Variants in ZFHX3 observed in about 807,000 individuals in gnomAD.
ZFHX3 encodes zinc finger homeobox protein 3.
Under a neutral mutation model 279.1 loss-of-function variants are expected in ZFHX3, and 42 were observed. The ratio of observed to expected loss-of-function variants is 0.15; its 90% CI spans 0.12 to 0.19. The LOEUF is 0.19. Ranked by LOEUF, ZFHX3 falls within the 10% of genes least tolerant of loss-of-function variation. The pLI is 1.00. For missense variants in ZFHX3, 4,981 were observed against 4,754.0 expected, an observed-to-expected ratio of 1.05 and a Z score of -1.40; for synonymous variants, 2,293 against 1,957.8, an observed-to-expected ratio of 1.17 and a Z score of -4.52.
At chr16:73,299,592 A>G (rs1208872224) in intron 4 of ZFHX3, among the ~76,000 whole-genome samples, 1 of 152,206 alleles carries the variant, frequency 6.6e-6, no homozygotes, top group Admixed American at 6.5e-5. Flanking sequence ...AGTAATGATC[A>G]TGAGGAAGAG....
At chr16:72,874,163 T>C (rs892121167) in intron 4 of ZFHX3, among the ~76,000 whole-genome samples, 2 of 151,554 alleles carry the variant, frequency 1.3e-5, no homozygotes, top group East Asian at 1.9e-4. Context: ...CAGCCTCACT[T>C]TCTTGTGCCT....
At chr16:73,591,029 T>C (rs2051989143) in intron 2 of ZFHX3, among the ~76,000 whole-genome samples, 1 of 152,168 alleles carries the variant, frequency 6.6e-6, no homozygotes, top group Non-Finnish European at 1.5e-5. Flanking sequence ...ATCCAAATCT[T>C]GGGAGAAATC....
intron 3 of ZFHX3, among the ~76,000 whole-genome samples, chr16:73,435,298 T>C (rs144423682): frequency 3.3e-5 from 5 of 152,012 alleles, no homozygotes; most frequent in Non-Finnish European, 5.9e-5. Flanking sequence ...AACCTCCACC[T>C]CCCGGGTTCA....
At chr16:73,473,348 A>AC (rs2018704937) in intron 2 of ZFHX3, among the ~76,000 whole-genome samples, 3 of 53,678 alleles carry the variant, frequency 5.6e-5, no homozygotes, top group African/African-American at 1.3e-4. Context: ...GCAAAAAAAA[A>AC]AAAAAAAAAC....
chr16:73,330,614 A>G (rs1246377099), intron 3 of ZFHX3, among the ~76,000 whole-genome samples: 6 of 152,206 alleles, frequency 3.9e-5, no homozygotes, highest in African/African-American at 1.4e-4. Context: ...TGAGCAAGAA[A>G]AAGCTTCTAG....
intron 3 of ZFHX3, among the ~76,000 whole-genome samples, chr16:73,453,688 A>G (rs2143564615): frequency 6.6e-6 from 1 of 152,320 alleles, no homozygotes. Flanking sequence ...GACATAGCTG[A>G]GACTGTGCAA....
At chr16:73,816,263 G>A (rs1361798594) in intron 1 of ZFHX3, among the ~76,000 whole-genome samples, 1 of 152,132 alleles carries the variant, frequency 6.6e-6, no homozygotes. Flanking sequence ...GAAGATGACT[G>A]AGTCATGAAA....
intron 3 of ZFHX3, among the ~76,000 whole-genome samples, chr16:73,435,065 ACTGG>A (rs752512316): frequency 4.8e-4 from 73 of 152,064 alleles, no homozygotes; most frequent in African/African-American, 1.1e-3. Flanking sequence ...TATTGTTTGA[ACTGG>A]CTGGCTGGCT....
chr16:73,359,156 T>C (rs540660179), intron 3 of ZFHX3, among the ~76,000 whole-genome samples: 3 of 150,252 alleles, frequency 2.0e-5, no homozygotes, highest in Non-Finnish European at 4.4e-5. Context: ...GTTCTTTAGG[T>C]TCTAAAAGAA....
At chr16:72,870,300 G>A (rs1321831985) in intron 4 of ZFHX3, among the ~76,000 whole-genome samples, 1 of 152,132 alleles carries the variant, frequency 6.6e-6, no homozygotes, top group Non-Finnish European at 1.5e-5. Flanking sequence ...GCTGAGGTGG[G>A]AGGATCACTT....
intron 2 of ZFHX3, among the ~76,000 whole-genome samples, chr16:73,478,324 A>G (rs1455517196): frequency 2.0e-5 from 3 of 152,032 alleles, no homozygotes; most frequent in Admixed American, 2.0e-4. Flanking sequence ...ACATGCCTGA[A>G]CAGGGACTTG....
At chr16:73,676,254 T>G (rs2052953248) in intron 2 of ZFHX3, among the ~76,000 whole-genome samples, 1 of 152,046 alleles carries the variant, frequency 6.6e-6, no homozygotes, top group Non-Finnish European at 1.5e-5. Flanking sequence ...GCATTAAGAC[T>G]AATGATTTTT....
intron 1 of ZFHX3, chr16:73,016,026 A>T (rs903778418): frequency 6.6e-6 from 1 of 152,210 alleles, no homozygotes; most frequent in African/African-American, 2.4e-5. Flanking sequence ...CCTGCCACAG[A>T]GCGATTTCTG....
chr16:73,576,302 G>A (rs938530496), intron 2 of ZFHX3, among the ~76,000 whole-genome samples: 4 of 152,166 alleles, frequency 2.6e-5, no homozygotes, highest in Non-Finnish European at 4.4e-5. Context: ...GATTCAATCA[G>A]ATTCAAAGCC....
intron 2 of ZFHX3, among the ~76,000 whole-genome samples, chr16:73,611,583 C>A (rs890160251): frequency 6.6e-6 from 1 of 152,192 alleles, no homozygotes. Flanking sequence ...AGTTAAGCAA[C>A]CACATACTCT....
At chr16:72,788,914 T>C in intron 9 of ZFHX3, 66 bp from the exon 10 acceptor site, 1 of 1,499,360 alleles carries the variant, frequency 6.7e-7, no homozygotes, top group Non-Finnish European at 8.9e-7. Context: ...GCTCAAGACG[T>C]TTTACCGGTG....
chr16:73,766,635 C>A (rs555761792), intron 1 of ZFHX3, among the ~76,000 whole-genome samples: 3 of 152,218 alleles, frequency 2.0e-5, no homozygotes, highest in South Asian at 4.1e-4. Context: ...AAGAATGATG[C>A]GGGATGTTGG....
intron 1 of ZFHX3, among the ~76,000 whole-genome samples, chr16:73,874,196 A>G (rs545157429): frequency 2.0e-5 from 3 of 152,186 alleles, no homozygotes; most frequent in Admixed American, 6.5e-5. Flanking sequence ...GAGTTCACAT[A>G]AGATATATTA....
chr16:73,065,411 T>C (rs905219437), intron 8 of ZFHX3, among the ~76,000 whole-genome samples: 1 of 151,900 alleles, frequency 6.6e-6, no homozygotes, highest in Admixed American at 6.6e-5. Flanking sequence ...TGCTGAGAAA[T>C]GTAAAAAGGA....
Sources: gnomAD v4.1 joint callset for allele counts (sites outside exome capture counted in the v4.1 genomes callset) on GRCh38, gnomAD v4.1.1 for gene constraint, MANE v1.5 for transcripts, NCBI Gene and HGNC (gene_info 2026-07-23, HGNC 2026-07-21) for gene names.